ANO1: variants seen among roughly 807,000 people sequenced by gnomAD.
ANO1 encodes the protein anoctamin 1, also known as anoctamin-1.
Under a neutral mutation model 124.0 loss-of-function variants are expected in ANO1, and 59 were observed. The ratio of observed to expected loss-of-function variants is 0.48; its 90% CI spans 0.39 to 0.59. The LOEUF (loss-of-function observed/expected upper bound fraction) is 0.59. Ranked by LOEUF, ANO1 falls within the 20% of genes least tolerant of loss-of-function variation. The pLI is 0.00. For missense variants in ANO1, 1,059 were observed against 1,328.0 expected (o/e 0.80, Z 3.15); for synonymous variants, 529 against 532.0 (o/e 0.99, Z 0.08).
intron 11 of ANO1, among the ~76,000 whole-genome samples, chr11:70,135,670 C>T (rs981553854): frequency 4.6e-5 from 7 of 152,180 alleles, no homozygotes; most frequent in East Asian, 1.9e-4. Flanking sequence ...GAAAGAAGGA[C>T]GTGGTGTTTC....
chr11:70,088,370 C>T (rs940059809), intron 2 of ANO1, among the ~76,000 whole-genome samples: 6 of 151,866 alleles, frequency 4.0e-5, no homozygotes, highest in Non-Finnish European at 7.4e-5. Context: ...ATTAGCTGGG[C>T]ATGGTGGCAT....
intron 1 of ANO1, among the ~76,000 whole-genome samples, chr11:69,989,205 G>T (rs894767831): frequency 6.6e-6 from 1 of 152,140 alleles, no homozygotes; most frequent in African/African-American, 2.4e-5. Context: ...TCCTGTAGCT[G>T]GTAAGTGGCA....
chr11:70,063,750 A>T (rs1346665726), intron 1 of ANO1: 1 of 152,324 alleles, frequency 6.6e-6, no homozygotes, highest in Non-Finnish European at 1.5e-5. Context: ...CACCAGCACC[A>T]GGATGTGACA....
Position 70,004,435 on chromosome 11 carries a change from C to T in ANO1, c.58+18269C>T, listed in dbSNP as rs7119830. Among the ~76,000 whole-genome samples, 487 of 152,316 alleles carry T rather than the reference C, an allele frequency of 3.2e-3. 4 individuals are homozygous for T. The highest frequency in any genetic ancestry group is 0.011 in the African/African-American group (463 of 41,574). ...TCTCATGACTAGTCATTGTGCCCTTCGAGGGAGGTACTGCTCCTTCCCCAA... is the reference window on the plus strand; with the variant it reads ...TCTCATGACTAGTCATTGTGCCCTTTGAGGGAGGTACTGCTCCTTCCCCAA... On this transcript the variant is annotated intron_variant, in intron 1 of 27. Transcript: ENST00000531349.
At chr11:70,128,509 C>T (rs895631718) in intron 10 of ANO1, among the ~76,000 whole-genome samples, 1 of 152,226 alleles carries the variant, frequency 6.6e-6, no homozygotes, top group South Asian at 2.1e-4. Context: ...TTGGCCATGC[C>T]AGCTCGGCCC....
intron 1 of ANO1, among the ~76,000 whole-genome samples, chr11:70,057,967 G>A (rs970417734): frequency 2.6e-5 from 4 of 152,190 alleles, no homozygotes; most frequent in South Asian, 2.1e-4. Flanking sequence ...GATAATGGGC[G>A]ATGTTTCTCA....
At chr11:69,983,733 T>C (rs1481843728), upstream of ANO1, among the ~76,000 whole-genome samples, 3 of 152,236 alleles carry the variant, frequency 2.0e-5, no homozygotes, top group African/African-American at 7.2e-5. Flanking sequence ...TACTAAAATA[T>C]CACTTTTAAA....
rs570019611 is a variant in ANO1 at position 70,087,776 on chromosome 11, C to G, written c.133C>G (p.Pro45Ala). The change falls in exon 2 of 26, where the codon CCT (proline) becomes GCT (alanine). Residue 45 changes from proline to alanine, a missense_variant. Pro to Ala is a conservative substitution (Grantham distance 27, BLOSUM62 -1). This residue lies in a region of ANO1 where 250 missense variants were observed against 233.1 expected (regional missense o/e 1.07). Coordinates refer to ENST00000355303, the MANE Select transcript of ANO1 (RefSeq NM_018043.7). ...GTLLNSLSVD[P>A]DAECKYGLYF... Reference sequence around the variant, plus strand: ...GCTGCTGAACTCCTTATCTGTGGACCCTGATGCCGAGTGCAAGTATGGCCT... The same window carrying G: ...GCTGCTGAACTCCTTATCTGTGGACGCTGATGCCGAGTGCAAGTATGGCCT... 1.9e-6 allele frequency: 3 copies of G among 1,607,866 alleles called. No individual in the cohort carries two copies. The highest frequency in any genetic ancestry group is 2.7e-5 in the African/African-American group (2 of 74,940).
chr11:70,121,032 C>T (rs777164257), intron 8 of ANO1, among the ~76,000 whole-genome samples: 7 of 152,176 alleles, frequency 4.6e-5, no homozygotes, highest in East Asian at 1.9e-4. Context: ...AAAAGTCCAC[C>T]GAGGTCAAGC....
At chr11:70,040,965 C>T (rs144394087) in intron 1 of ANO1, among the ~76,000 whole-genome samples, 1 of 152,284 alleles carries the variant, frequency 6.6e-6, no homozygotes, top group African/African-American at 2.4e-5. Flanking sequence ...CTCGAGGGCC[C>T]TGTCAGTGGA....
chr11:70,099,652 C>T lies in ANO1; in HGVS notation c.442-3414C>T, dbSNP rs369401588. ...TCCAGCCTCAGTGCCCTCCGTGGCT[C>T]CCCAGCACTGAGGAGGTGGCTTCAA... On this transcript the variant is annotated intron_variant, in intron 2 of 25. Transcript: ENST00000355303. Among the ~76,000 whole-genome samples, 8 of 152,282 alleles carry T rather than the reference C, an allele frequency of 5.3e-5. No individual in the cohort carries two copies. In the East Asian group the frequency reaches 1.4e-3, roughly 26 times the overall value.
At chr11:70,040,022 C>A (rs1406493222) in intron 1 of ANO1, among the ~76,000 whole-genome samples, 2 of 152,058 alleles carry the variant, frequency 1.3e-5, no homozygotes, top group African/African-American at 4.8e-5. Context: ...ATTCCTGGAC[C>A]AAATTAATGT....
chr11:70,090,809 T>A (rs1173071144), intron 2 of ANO1, among the ~76,000 whole-genome samples: 1 of 152,232 alleles, frequency 6.6e-6, no homozygotes, highest in Non-Finnish European at 1.5e-5. Context: ...GCTCAAGGGC[T>A]AAAAGAGGCT....
At position 70,087,838 on chromosome 11, in the gene ANO1, C is replaced by A; in HGVS notation, c.195C>A (p.Ile65=). 6.2e-7 allele frequency: 1 copy of A among 1,613,132 alleles called. No homozygotes were observed. The highest frequency in any genetic ancestry group is 1.1e-5 in the South Asian group (1 of 90,986). The change falls in exon 2 of 26, where the codon ATC becomes ATA. Residue 65 remains isoleucine, a synonymous_variant. Transcript: ENST00000355303. The part of the protein sequence containing the change: ...FRDGRRKVDY[I]LVYHHKRPSG... ...ACGGCCGGCGCAAGGTGGACTACAT[C>A]CTGGTGTACCATCACAAGAGGCCCT...
chr11:70,008,341 C>T (rs1555000436), intron 1 of ANO1, among the ~76,000 whole-genome samples: 1 of 152,144 alleles, frequency 6.6e-6, no homozygotes, highest in African/African-American at 2.4e-5. Context: ...TAAGTTTCTG[C>T]CCTGTGTTTT....
At chr11:70,022,648 A>G (rs1856829741) in intron 1 of ANO1, among the ~76,000 whole-genome samples, 1 of 151,186 alleles carries the variant, frequency 6.6e-6, no homozygotes, top group African/African-American at 2.4e-5. Flanking sequence ...TGATGGCCCC[A>G]TAGAGCCAGC....
chr11:70,020,363 A>G (rs1030801234), intron 1 of ANO1, among the ~76,000 whole-genome samples: 1 of 152,070 alleles, frequency 6.6e-6, no homozygotes, highest in South Asian at 2.1e-4. Context: ...CTCACTCAGG[A>G]CAGCCGCACT....
intron 8 of ANO1, among the ~76,000 whole-genome samples, chr11:70,122,743 GTC>G (rs2046345600): frequency 1.3e-5 from 2 of 150,304 alleles, no homozygotes; most frequent in Non-Finnish European, 3.0e-5. Context: ...CTCTCCATCT[GTC>G]TCTGTCTCCC....
chr11:69,968,886 G>A, the ANO1 span, among the ~76,000 whole-genome samples: 13 of 152,242 alleles, frequency 8.5e-5, no homozygotes, highest in African/African-American at 3.1e-4. Context: ...GGCAGCACAG[G>A]GTTGTCCCTT....
Sources: allele counts gnomAD v4.1 joint callset (sites outside exome capture counted in the v4.1 genomes callset), GRCh38; gene constraint gnomAD v4.1.1; regional missense constraint gnomAD v4.1.1; transcripts MANE v1.5; gene names NCBI Gene and HGNC (gene_info 2026-07-23, HGNC 2026-07-21).